SFI1: variants seen among roughly 807,000 people sequenced by gnomAD.
SFI1 encodes the protein protein SFI1 homolog.
Under a neutral mutation model 207.5 loss-of-function variants are expected in SFI1, and 195 were observed. The observed-to-expected ratio is 0.94, with a 90% confidence interval of 0.84 to 1.06. SFI1 has a LOEUF of 1.06. SFI1 is among the 50% of genes least tolerant of loss of function. The pLI, the probability that SFI1 is intolerant of heterozygous loss-of-function variation, is 0.00. For synonymous variants in SFI1, 630 were observed against 598.9 expected (o/e 1.05, Z -0.76); for missense variants, 1,634 against 1,588.0 (o/e 1.03, Z -0.49).
intron 4 of SFI1, among the ~76,000 whole-genome samples, chr22:31,532,869 A>G (rs1032795068): frequency 4.6e-5 from 7 of 152,192 alleles, no homozygotes; most frequent in Non-Finnish European, 8.8e-5. Context: ...GGCCTCCCCA[A>G]AGATAAGCCT....
rs1418129792 is a variant in SFI1 at position 31,568,224 on chromosome 22, ATAT to A, written c.766-4832_766-4830del. On this transcript the variant is annotated intron_variant, in intron 8 of 32. Coordinates refer to ENST00000400288, the MANE Select transcript of SFI1 (RefSeq NM_001007467.3). ...TGTGTGTGTGTGTATATATATATAT[ATAT>A]TTTTTTTTTTTTACCATAAATGCAT... 4.1e-4 allele frequency among the ~76,000 whole-genome samples: 51 copies of A among 124,390 alleles called. 1 individual carries two copies. The highest frequency in any genetic ancestry group is 1.5e-3 in the East Asian group (6 of 4,080). The allele number at this position is 124,390 out of a possible 152,430, so 81.6% of individuals were successfully genotyped here. A position where few individuals can be genotyped will look rare whatever the true frequency, so the allele number is the denominator to read the frequency against.
intron 8 of SFI1, among the ~76,000 whole-genome samples, chr22:31,565,233 A>G (rs2062165904): frequency 6.6e-6 from 1 of 152,006 alleles, no homozygotes; most frequent in Non-Finnish European, 1.5e-5. Context: ...TGATTCTGGT[A>G]TGATTGTTCT....
chr22:31,532,269 G>A (rs2058603437), intron 4 of SFI1, among the ~76,000 whole-genome samples: 3 of 152,108 alleles, frequency 2.0e-5, no homozygotes, highest in Admixed American at 2.0e-4. Flanking sequence ...ATTTTAGTGA[G>A]GAGCAAATTC....
At chr22:31,590,866 T>A (rs1254965869) in intron 15 of SFI1, among the ~76,000 whole-genome samples, 2 of 149,768 alleles carry the variant, frequency 1.3e-5, no homozygotes, top group East Asian at 1.9e-4. Flanking sequence ...ATTTTTATTT[T>A]TATATATATT....
chr22:31,553,337 T>C (rs1291905225), intron 6 of SFI1, among the ~76,000 whole-genome samples: 1 of 151,876 alleles, frequency 6.6e-6, no homozygotes, highest in African/African-American at 2.4e-5. Context: ...TTTTGAGATT[T>C]GAAAGTTTTT....
intron 12 of SFI1, among the ~76,000 whole-genome samples, chr22:31,582,045 AT>A (rs1182925683): frequency 1.3e-5 from 2 of 150,810 alleles, no homozygotes; most frequent in African/African-American, 4.9e-5. Flanking sequence ...AAAATGTCTT[AT>A]TTGTAGCTGC....
At chr22:31,505,986 AG>A (rs1475871895) in intron 1 of SFI1, among the ~76,000 whole-genome samples, 4 of 150,494 alleles carry the variant, frequency 2.7e-5, no homozygotes, top group Admixed American at 6.6e-5. Context: ...GAGGAGGTCG[AG>A]GCTGCAGTGA....
At chr22:31,513,402 G>T (rs1276528124) in intron 2 of SFI1, among the ~76,000 whole-genome samples, 1 of 151,862 alleles carries the variant, frequency 6.6e-6, no homozygotes, top group Non-Finnish European at 1.5e-5. Flanking sequence ...CAAGCAATCT[G>T]CCCCTCCCAA....
chr22:31,548,233 T>C (rs1477066374), intron 5 of SFI1, among the ~76,000 whole-genome samples: 1 of 149,454 alleles, frequency 6.7e-6, no homozygotes, highest in African/African-American at 2.5e-5. Flanking sequence ...AGAAAATAAG[T>C]AAATAAATAA....
At chr22:31,547,600 C>T (rs574621753) in intron 5 of SFI1, among the ~76,000 whole-genome samples, 6 of 150,486 alleles carry the variant, frequency 4.0e-5, no homozygotes, top group East Asian at 2.0e-4. Context: ...CATGAGTCAC[C>T]GCGCCAGGCC....
rs1309350875 is a variant in SFI1 at position 31,613,128 on chromosome 22, C to T, written c.2491-14C>T. The T allele has an allele frequency of 5.6e-6, 9 of 1,612,400 alleles. No individual in the cohort carries two copies. The Middle Eastern group carries it at 4.9e-4, about 88-fold the overall frequency. On this transcript the variant is annotated splice_polypyrimidine_tract_variant and intron_variant, in intron 24 of 32. Coordinates refer to ENST00000400288, the MANE Select transcript of SFI1 (RefSeq NM_001007467.3). The stretch of plus-strand genomic sequence containing the variant: ...AGGGGCTATAGGGAAATGATCTGGT[C>T]TTTCTGGCCCTAGCTGGCAGCCAGG...
Position 31,602,753 on chromosome 22 carries a change from C to A in SFI1, c.1773C>A (p.Leu591=). The A allele has an allele frequency of 6.2e-7, 1 of 1,614,010 alleles. No homozygotes were observed. Among genetic ancestry groups the A allele is most frequent in the Middle Eastern group, 1.7e-4 (1 of 5,924 alleles). The change falls in exon 17 of 33, where the codon CTC becomes CTA. Residue 591 remains leucine, a synonymous_variant. Coordinates refer to ENST00000400288, the MANE Select transcript of SFI1 (RefSeq NM_001007467.3). ...GGCGGCTCAAGAAAGCTTTCTGCCT[C>A]TGGAGGGAAAGTGCCCAAGGGCTCA... is the stretch of plus-strand genomic sequence containing the variant. ...RHGRLKKAFC[L]WRESAQGLRT...
At chr22:31,500,999 A>G (rs1306904652) in intron 1 of SFI1, among the ~76,000 whole-genome samples, 1 of 149,918 alleles carries the variant, frequency 6.7e-6, no homozygotes, top group African/African-American at 2.5e-5. Context: ...GGGTTTCACC[A>G]TATTGGCCAG....
At chr22:31,557,094 C>T (rs994221741) in intron 7 of SFI1, 35 bp downstream of exon 7, 3 of 1,334,128 alleles carry the variant, frequency 2.2e-6, no homozygotes, top group Admixed American at 2.0e-5. Flanking sequence ...AAGTACCAGC[C>T]ATCATTTTAC....
intron 4 of SFI1, among the ~76,000 whole-genome samples, chr22:31,534,335 T>A (rs866285878): frequency 2.0e-5 from 3 of 152,192 alleles, no homozygotes; most frequent in Non-Finnish European, 4.4e-5. Context: ...TTAGATTTAT[T>A]CACATATTTA....
intron 10 of SFI1, among the ~76,000 whole-genome samples, chr22:31,577,093 A>G (rs1029138253): frequency 6.6e-6 from 1 of 152,232 alleles, no homozygotes; most frequent in Non-Finnish European, 1.5e-5. Context: ...GGAAGCTCAG[A>G]CTAATGATAG....
intron 12 of SFI1, among the ~76,000 whole-genome samples, chr22:31,582,219 T>TA (rs2064326377): frequency 2.7e-5 from 1 of 37,310 alleles, no homozygotes; most frequent in Non-Finnish European, 5.5e-5. Flanking sequence ...TATATATATA[T>TA]ATATATATAT....
rs1271394958 is a variant in SFI1, at chr22:31,613,547, TTCCTG to T, written c.2742+19_2742+23del. 1 of 1,581,194 alleles carries T rather than the reference TTCCTG, an allele frequency of 6.3e-7. No individual in the cohort carries two copies. Among genetic ancestry groups the T allele is most frequent in the African/African-American group, 1.3e-5 (1 of 74,492 alleles). On this transcript the variant is annotated intron_variant, in intron 26 of 32. Transcript: ENST00000400288. ...CAGGTCCAGGTAGGCCCAGGGCCCC[TTCCTG>T]TGGGGAGCAGGCAGGGTGTGGCATG... is the stretch of plus-strand genomic sequence containing the variant.
At chr22:31,501,449 C>T (rs1348899760) in intron 1 of SFI1, among the ~76,000 whole-genome samples, 2 of 152,022 alleles carry the variant, frequency 1.3e-5, no homozygotes, top group Non-Finnish European at 1.5e-5. Flanking sequence ...GGATTACAGG[C>T]GTGAGTCACC....
Sources: allele counts gnomAD v4.1 joint callset (sites outside exome capture counted in the v4.1 genomes callset), GRCh38; gene constraint gnomAD v4.1.1; transcripts MANE v1.5; gene names NCBI Gene and HGNC (gene_info 2026-07-23, HGNC 2026-07-21).